Variants in CLIC5 observed in about 807,000 individuals in gnomAD.
The protein encoded by CLIC5 is CLIC family member 5.
A neutral mutation model predicts 24.7 loss-of-function variants in CLIC5; 20 were observed. The ratio of observed to expected loss-of-function variants is 0.81; its 90% CI spans 0.57 to 1.18. The LOEUF is 1.18. Ranked by LOEUF, CLIC5 falls within the 50% of genes most tolerant of loss-of-function variation. CLIC5 has a pLI of 0.00. For synonymous variants in CLIC5, 159 were observed against 135.6 expected (o/e 1.17, Z -1.20); for missense variants, 341 against 326.1 (o/e 1.05, Z -0.35).
chr6:45,919,361 T>G (rs1763159634), intron 4 of CLIC5, among the ~76,000 whole-genome samples: 1 of 152,102 alleles, frequency 6.6e-6, no homozygotes, highest in African/African-American at 2.4e-5. Flanking sequence ...TTTGCTTCCT[T>G]CCAGAGTAAC....
intron 1 of CLIC5, among the ~76,000 whole-genome samples, chr6:46,070,967 C>T (rs958183993): frequency 8.5e-5 from 13 of 152,244 alleles, no homozygotes; most frequent in African/African-American, 2.9e-4. Flanking sequence ...CAAAAACAAG[C>T]AATGGGGAGA....
At chr6:45,937,262 G>A (rs890912134) in intron 4 of CLIC5, 1 of 152,302 alleles carries the variant, frequency 6.6e-6, no homozygotes, top group Admixed American at 6.5e-5. Flanking sequence ...ATTCATCTTA[G>A]TCCCATTTTT....
intron 1 of CLIC5, among the ~76,000 whole-genome samples, chr6:46,075,761 T>C (rs1762749517): frequency 6.6e-6 from 1 of 152,190 alleles, no homozygotes; most frequent in Admixed American, 6.5e-5. Context: ...TTTTTCTCTC[T>C]CCATCTCTCT....
At chr6:46,018,961 C>T (rs999295112), upstream of CLIC5, 9 of 151,822 alleles carry the variant, frequency 5.9e-5, no homozygotes, top group African/African-American at 2.2e-4. Flanking sequence ...GGAATTTATA[C>T]AGTTGTAAGG....
At chr6:45,913,872 C>T in intron 5 of CLIC5, 1 of 1,145,334 alleles carries the variant, frequency 8.7e-7, no homozygotes, top group South Asian at 4.4e-5. Context: ...GGGGTGTAGC[C>T]AGGGAAATCC....
intron 1 of CLIC5, among the ~76,000 whole-genome samples, chr6:45,962,708 C>A (rs1298606163): frequency 6.6e-6 from 1 of 152,106 alleles, no homozygotes; most frequent in Non-Finnish European, 1.5e-5. Context: ...TGTACATGTC[C>A]CCTCCCAAAA....
chr6:46,082,892 T>C (rs192583578), upstream of CLIC5, among the ~76,000 whole-genome samples: 23 of 152,346 alleles, frequency 1.5e-4, no homozygotes, highest in East Asian at 4.4e-3. Flanking sequence ...TTCTGTCTTA[T>C]CCTACTAGAA....
upstream of CLIC5, among the ~76,000 whole-genome samples, chr6:46,019,559 G>T (rs1406279884): frequency 2.7e-5 from 4 of 150,504 alleles, no homozygotes; most frequent in African/African-American, 7.3e-5. Flanking sequence ...GGTGGCGGGC[G>T]CCTGTAGTCC....
chr6:46,052,246 G>T (rs1768124202), intron 1 of CLIC5, among the ~76,000 whole-genome samples: 1 of 152,138 alleles, frequency 6.6e-6, no homozygotes, highest in African/African-American at 2.4e-5. Flanking sequence ...GAAAAGCCTT[G>T]CAGTAAAGGG....
chr6:46,090,037 C>T, the CLIC5 span, among the ~76,000 whole-genome samples: 2 of 152,168 alleles, frequency 1.3e-5, no homozygotes, highest in Non-Finnish European at 2.9e-5. Flanking sequence ...CAACAGCTGA[C>T]ACTAAACTTC....
intron 1 of CLIC5, among the ~76,000 whole-genome samples, chr6:46,053,632 A>G (rs557324545): frequency 1.3e-5 from 2 of 152,248 alleles, no homozygotes; most frequent in African/African-American, 4.8e-5. Flanking sequence ...GGAACTCATC[A>G]CGTCCCATGA....
intron 1 of CLIC5, among the ~76,000 whole-genome samples, chr6:45,983,826 T>C (rs75930826): frequency 0.022 from 3,315 of 152,322 alleles, 130 homozygotes; most frequent in African/African-American, 0.076. Flanking sequence ...CCCATTTAAA[T>C]TAGTCCTCCA....
At chr6:46,073,606 G>C (rs959246379) in intron 1 of CLIC5, among the ~76,000 whole-genome samples, 1 of 152,182 alleles carries the variant, frequency 6.6e-6, no homozygotes, top group Non-Finnish European at 1.5e-5. Flanking sequence ...ACATTGTTTT[G>C]CTCATGGTAT....
At chr6:46,007,782 A>G (rs1449472571) in intron 1 of CLIC5, among the ~76,000 whole-genome samples, 1 of 152,082 alleles carries the variant, frequency 6.6e-6, no homozygotes, top group African/African-American at 2.4e-5. Flanking sequence ...CTATGGTTTT[A>G]TGAATGTTGA....
the CLIC5 span, among the ~76,000 whole-genome samples, chr6:46,124,769 T>C: frequency 1.3e-5 from 2 of 151,732 alleles, no homozygotes; most frequent in East Asian, 1.9e-4. Context: ...GGGCAAAGGA[T>C]ATGAACAGAC....
the CLIC5 span, among the ~76,000 whole-genome samples, chr6:46,115,497 CCTTTTTTCA>C: frequency 1.3e-5 from 2 of 152,110 alleles, no homozygotes; most frequent in Non-Finnish European, 2.9e-5. Flanking sequence ...TAATTTTTTC[CCTTTTTTCA>C]GCTTTTGGGT....
At chr6:46,092,831 C>T in the CLIC5 span, among the ~76,000 whole-genome samples, 1 of 152,132 alleles carries the variant, frequency 6.6e-6, no homozygotes, top group Admixed American at 6.5e-5. Context: ...CCTATTACTT[C>T]CATGTCCTGA....
intron 1 of CLIC5, among the ~76,000 whole-genome samples, chr6:45,981,933 G>A (rs1462699693): frequency 1.3e-5 from 2 of 151,912 alleles, no homozygotes; most frequent in Non-Finnish European, 2.9e-5. Context: ...GGGAGGCAGA[G>A]GTTGCAGTGA....
intron 1 of CLIC5, among the ~76,000 whole-genome samples, chr6:46,032,105 A>G (rs1487083759): frequency 2.0e-5 from 3 of 152,184 alleles, no homozygotes; most frequent in Non-Finnish European, 4.4e-5. Flanking sequence ...TAATTGACTC[A>G]GTTCCATAGG....
Sources: allele counts gnomAD v4.1 joint callset (sites outside exome capture counted in the v4.1 genomes callset), GRCh38; gene constraint gnomAD v4.1.1; transcripts MANE v1.5; gene names NCBI Gene and HGNC (gene_info 2026-07-23, HGNC 2026-07-21).